The following PNPLA7 variants were observed in gnomAD, a reference collection of about 807,000 sequenced individuals.
PNPLA7 encodes patatin like domain 7, lysophospholipase, also known as patatin-like phospholipase domain-containing protein 7.
PNPLA7 carries 153 observed loss-of-function variants against 161.7 expected under a neutral mutation model. The observed-to-expected ratio is 0.95, with a 90% CI of 0.83 to 1.08. The LOEUF is 1.08. PNPLA7 is among the 50% of genes least tolerant of loss of function. The probability of loss-of-function intolerance (pLI) is 0.00; values close to 1 mark genes in which losing one functional copy is unlikely to be tolerated. For missense variants in PNPLA7, 1,739 were observed against 1,856.6 expected, an observed-to-expected ratio of 0.94 and a Z score of 1.16; for synonymous variants, 809 against 782.1, an observed-to-expected ratio of 1.03 and a Z score of -0.57.
chr9:137,550,369 A>G lies in PNPLA7; in HGVS notation c.-172T>C, dbSNP rs1836784982. ...TGCTGAAAAAGTCTGTTCTCCAGGA[A>G]GAAAAGCTGTCTTTTGAGAAGTGTC... On this transcript the variant is annotated 5_prime_UTR_variant, in exon 1 of 35. Transcript: ENST00000406427. 4.1e-6 allele frequency: 3 copies of G among 726,254 alleles called. No homozygotes were observed. The highest frequency in any genetic ancestry group is 4.6e-5 in the Admixed American group (2 of 43,564). The allele number at this position is 726,254 out of a possible 1,614,324, so 45.0% of individuals were successfully genotyped here.
rs1398364778 is a variant in PNPLA7, at chr9:137,501,629, C to T, written c.1551+21G>A. 1.9e-6 allele frequency: 3 copies of T among 1,608,488 alleles called. No individual in the cohort carries two copies. The South Asian group carries it at 3.3e-5, about 18-fold the overall frequency. ...TATGGCATTGGGTGGTCCCAGTGCC[C>T]CCCCCCAGACCCCCGCTCACCTGGT... On this transcript the variant is annotated intron_variant, in intron 15 of 34. Coordinates refer to ENST00000406427, the MANE Select transcript of PNPLA7 (RefSeq NM_001098537.3).
intron 25 of PNPLA7, among the ~76,000 whole-genome samples, chr9:137,474,732 G>C (rs1022071106): frequency 2.6e-5 from 4 of 151,558 alleles, no homozygotes; most frequent in African/African-American, 7.3e-5. Flanking sequence ...CTCCAGGAAG[G>C]CTGGGCGCAG....
At chr9:137,496,220 G>C (rs1001562530) in intron 18 of PNPLA7, among the ~76,000 whole-genome samples, 1 of 148,984 alleles carries the variant, frequency 6.7e-6, no homozygotes, top group African/African-American at 2.5e-5. Context: ...CGATTCTCCT[G>C]CCTCAGCCTC....
Position 137,543,270 on chromosome 9 carries a change from A to G in PNPLA7, c.506+162T>C, listed in dbSNP as rs963552569. ...AGAAAGATCTGGTGAAGGAGCCAGCAGACCACGAGGCCCCGCCACGGGGCA... is the reference window on the plus strand; with the variant it reads ...AGAAAGATCTGGTGAAGGAGCCAGCGGACCACGAGGCCCCGCCACGGGGCA... On this transcript the variant is annotated intron_variant, in intron 6 of 34. Transcript: ENST00000406427. The surrounding 1 kb of genome is among the most constrained non-coding windows in gnomAD (Gnocchi z 6.9). Among the ~76,000 whole-genome samples the G allele has an allele frequency of 1.3e-5, 2 of 152,236 alleles. No homozygotes were observed. The highest frequency in any genetic ancestry group is 4.8e-5 in the African/African-American group (2 of 41,466).
chr9:137,479,130 G>T lies in PNPLA7; in HGVS notation c.2689C>A (p.Arg897=). ...TGCAGGTGGCCGGAGCACCAGCTCC[G>T]CATGTTGAGCCACTCCACGGTGCGC... ...PARTVEWLNM[R]SWCSGHLHLC... Residue 897 remains arginine (R), a synonymous_variant, in exon 24 of 35, where the codon CGG becomes AGG. Coordinates refer to ENST00000406427, the MANE Select transcript of PNPLA7 (RefSeq NM_001098537.3). 4 of 1,595,250 alleles carry T rather than the reference G, an allele frequency of 2.5e-6. 1 individual carries two copies. In the South Asian group the frequency reaches 4.5e-5, roughly 18 times the overall value.
intron 25 of PNPLA7, among the ~76,000 whole-genome samples, chr9:137,469,794 G>A (rs1050929720): frequency 1.3e-5 from 2 of 152,174 alleles, no homozygotes; most frequent in Non-Finnish European, 2.9e-5. Flanking sequence ...CCCGGGTGAA[G>A]CCGATCAAGG....
intron 25 of PNPLA7, among the ~76,000 whole-genome samples, chr9:137,472,928 C>T (rs1011012812): frequency 2.0e-5 from 3 of 151,392 alleles, no homozygotes; most frequent in African/African-American, 2.4e-5. Flanking sequence ...GCACTCCAGC[C>T]TGGGCGACAG....
intron 21 of PNPLA7, among the ~76,000 whole-genome samples, chr9:137,481,823 C>G (rs1832236945): frequency 6.6e-6 from 1 of 152,178 alleles, no homozygotes; most frequent in African/African-American, 2.4e-5. Flanking sequence ...GTAGTCCCAG[C>G]TACTTGGGAG....
chr9:137,531,731 G>C (rs1021816626), intron 8 of PNPLA7, among the ~76,000 whole-genome samples: 2 of 152,120 alleles, frequency 1.3e-5, no homozygotes, highest in Admixed American at 1.3e-4. Flanking sequence ...GAGATTTAGA[G>C]TCAAGCAAAA....
At chr9:137,515,269 G>C (rs1420418365) in intron 12 of PNPLA7, 110 bp downstream of exon 12, 1 of 1,414,782 alleles carries the variant, frequency 7.1e-7, no homozygotes, top group Non-Finnish European at 9.5e-7. Flanking sequence ...GGCTCTAGTG[G>C]AGGGTGCCCG....
chr9:137,542,810 G>C lies in PNPLA7; in HGVS notation c.507-9C>G, dbSNP rs1320530829. The C allele has an allele frequency of 6.2e-7, 1 of 1,606,070 alleles. No homozygotes were observed. Among genetic ancestry groups the C allele is most frequent in the Non-Finnish European group, 8.5e-7 (1 of 1,174,096 alleles). On this transcript the variant is annotated splice_polypyrimidine_tract_variant and intron_variant, in intron 6 of 34. Coordinates refer to ENST00000406427, the MANE Select transcript of PNPLA7 (RefSeq NM_001098537.3). Reference sequence around the variant, plus strand: ...CAAAGTGGCCCAGGACCCTGCAAGAGCCAGAGGGCACTGTGGGACGCCCTT... The same window carrying C: ...CAAAGTGGCCCAGGACCCTGCAAGACCCAGAGGGCACTGTGGGACGCCCTT...
chr9:137,503,707 AAGG>A (rs1025117006), intron 14 of PNPLA7, among the ~76,000 whole-genome samples: 6 of 145,666 alleles, frequency 4.1e-5, no homozygotes, highest in Non-Finnish European at 7.5e-5. Context: ...AAGGGGAAGG[AAGG>A]AGGAGAAAGG....
At chr9:137,515,639 T>A (rs530264983) in intron 11 of PNPLA7, 120 bp from the exon 12 acceptor site, 1 of 1,277,332 alleles carries the variant, frequency 7.8e-7, no homozygotes, top group South Asian at 1.6e-5. Flanking sequence ...CTGAACGCGC[T>A]CTGGACCAGC....
rs911214574 is a variant in PNPLA7 at position 137,467,169 on chromosome 9, C to T, written c.3039+148G>A. The T allele has an allele frequency of 2.5e-5, 29 of 1,150,256 alleles. No individual in the cohort carries two copies. The highest frequency in any genetic ancestry group is 3.3e-5 in the Non-Finnish European group (28 of 839,294). 71.3% of individuals were successfully genotyped at this position (1,150,256 alleles called of 1,614,324 possible). ...TTCTCTGTGGTGCTCCTTTGCCTCA[C>T]AAGCTGCACTGGGAGGCTTCAGGGG... On this transcript the variant is annotated intron_variant, in intron 26 of 34. Coordinates refer to ENST00000406427, the MANE Select transcript of PNPLA7 (RefSeq NM_001098537.3). This position sits in a 1 kb window ranked among gnomAD's most constrained non-coding sequence, Gnocchi z 5.1.
chr9:137,492,062 A>G, intron 20 of PNPLA7: 1 of 985,404 alleles, frequency 1.0e-6, no homozygotes, highest in South Asian at 4.7e-5. Context: ...TCTGGGGTCA[A>G]ATGCTGTCCA....
In PNPLA7 at chr9:137,462,776, C is replaced by T. The variant is rs751565269; in HGVS notation, c.3401G>A (p.Arg1134Gln). 2.1e-5 allele frequency: 34 copies of T among 1,613,856 alleles called. No individual in the cohort carries two copies. The highest frequency in any genetic ancestry group is 5.0e-5 in the Admixed American group (3 of 59,996). The change falls in exon 30 of 35, where the codon CGA becomes CAA. Residue 1134 changes from arginine to glutamine, a missense_variant. Arg to Gln is a conservative substitution (Grantham distance 43). Coordinates refer to ENST00000406427, the MANE Select transcript of PNPLA7 (RefSeq NM_001098537.3). ...ATAGTTGGTGAGGTCCGTCTCATCTCGGCTGCCCACGTCAATGGCGATCAC... is the reference window on the plus strand; with the variant it reads ...ATAGTTGGTGAGGTCCGTCTCATCTTGGCTGCCCACGTCAATGGCGATCAC... Reference protein sequence around the residue: ...KVVIAIDVGSRDETDLTNYGD... With the variant: ...KVVIAIDVGSQDETDLTNYGD...
chr9:137,498,525 G>C (rs535607942), intron 16 of PNPLA7, among the ~76,000 whole-genome samples: 4 of 152,366 alleles, frequency 2.6e-5, no homozygotes, highest in East Asian at 3.9e-4. Context: ...CCCTGTGTCA[G>C]GCTGCGGTCC....
At position 137,493,073 on chromosome 9, in the gene PNPLA7, G is replaced by T; in HGVS notation, c.2137C>A (p.Arg713=). ...IKRRYPQVVT[R]LIHLLGEKIL... The stretch of plus-strand genomic sequence containing the variant: ...TTCTCACCCAAGAGATGAATCAGCC[G>T]AGTCACCACCTGCGGGCAGACACAG... Residue 713 remains arginine, a synonymous_variant, in exon 20 of 35, where the codon CGG becomes AGG. Transcript: ENST00000406427. 2.5e-6 allele frequency: 4 copies of T among 1,613,916 alleles called. No individual in the cohort carries two copies. The highest frequency in any genetic ancestry group is 1.6e-4 in the Middle Eastern group (1 of 6,062).
chr9:137,505,790 G>A (rs1315581957), intron 13 of PNPLA7, 30 bp from the exon 14 acceptor site: 9 of 1,611,542 alleles, frequency 5.6e-6, no homozygotes, highest in South Asian at 2.2e-5. Flanking sequence ...CCGGCAATTC[G>A]AAGGGATGTG....
Sources: allele counts gnomAD v4.1 joint callset (sites outside exome capture counted in the v4.1 genomes callset), GRCh38; gene constraint gnomAD v4.1.1; non-coding constraint Gnocchi (gnomAD v3.1); transcripts MANE v1.5; gene names NCBI Gene and HGNC (gene_info 2026-07-23, HGNC 2026-07-21).